CCDC170: variants seen among roughly 807,000 people sequenced by gnomAD.
CCDC170 encodes the protein coiled-coil domain-containing protein 170.
Under a neutral mutation model 72.6 loss-of-function variants are expected in CCDC170, and 69 were observed. The observed-to-expected ratio is 0.95, with a 90% CI of 0.78 to 1.16. The LOEUF (loss-of-function observed/expected upper bound fraction) is 1.16. Among genes scored for constraint, CCDC170 ranks in the 50% most tolerant of loss-of-function variants. The pLI is 0.00. For synonymous variants in CCDC170, 300 were observed against 303.9 expected (o/e 0.99, Z 0.13); for missense variants, 852 against 832.5 (o/e 1.02, Z -0.29).
At chr6:151,526,119 T>TCTTCCTTC (rs1235340385) in intron 1 of CCDC170, among the ~76,000 whole-genome samples, 1 of 138,854 alleles carries the variant, frequency 7.2e-6, no homozygotes, top group Non-Finnish European at 1.5e-5. Flanking sequence ...TTCCTTCCTT[T>TCTTCCTTC]CTTCCTTCCT....
intron 1 of CCDC170, among the ~76,000 whole-genome samples, chr6:151,519,168 C>T (rs1782280948): frequency 6.6e-6 from 1 of 152,062 alleles, no homozygotes; most frequent in African/African-American, 2.4e-5. Context: ...TATTTCAGTC[C>T]TTATCTCAAC....
chr6:151,531,368 C>G (rs1158822461), intron 1 of CCDC170, among the ~76,000 whole-genome samples: 1 of 152,052 alleles, frequency 6.6e-6, no homozygotes, highest in African/African-American at 2.4e-5. Context: ...TTTGTGAGGC[C>G]AAGGCAAGCA....
At chr6:151,542,052 G>T (rs1454550863) in intron 3 of CCDC170, among the ~76,000 whole-genome samples, 4 of 151,084 alleles carry the variant, frequency 2.6e-5, no homozygotes, top group Non-Finnish European at 5.9e-5. Context: ...GCTAATTTTT[G>T]TAGTTTTAGT....
chr6:151,555,025 C>T (rs1321252162), intron 5 of CCDC170, among the ~76,000 whole-genome samples: 1 of 151,526 alleles, frequency 6.6e-6, no homozygotes, highest in Non-Finnish European at 1.5e-5. Context: ...ACTACAGGCA[C>T]CTACTACCAC....
chr6:151,502,230 G>A (rs376173813), intron 1 of CCDC170, among the ~76,000 whole-genome samples: 1 of 152,102 alleles, frequency 6.6e-6, no homozygotes, highest in Admixed American at 6.6e-5. Flanking sequence ...CCACGATCAC[G>A]CCACTGCACT....
rs1487590587 is a variant in CCDC170 at position 151,585,762 on chromosome 6, G to A, written c.1093-127G>A. On this transcript the variant is annotated intron_variant, in intron 6 of 10. Transcript: ENST00000239374. ...CAGCTATCAATTACATATTTTAAAT[G>A]GGATTTTTACAAATAATCTGGAAGT... The A allele has an allele frequency of 1.3e-5, 10 of 754,710 alleles. No individual in the cohort carries two copies. The South Asian group carries it at 2.0e-4, about 15-fold the overall frequency. 46.8% of individuals were successfully genotyped at this position (754,710 alleles called of 1,614,324 possible).
intron 1 of CCDC170, among the ~76,000 whole-genome samples, chr6:151,529,571 C>T (rs1037192568): frequency 3.9e-5 from 6 of 152,080 alleles, no homozygotes; most frequent in African/African-American, 1.4e-4. Context: ...GCAGGAGAAT[C>T]GCTTGAACCC....
At position 151,620,801 on chromosome 6, in the gene CCDC170, G is replaced by A. The variant is rs1387502474; in HGVS notation, c.*2654G>A. ...ATTTTAAATAATATTTTAAAAACATGAAATTTTTTTTTCATTTTTGATTTG... is the reference window on the plus strand; with the variant it reads ...ATTTTAAATAATATTTTAAAAACATAAAATTTTTTTTTCATTTTTGATTTG... On this transcript the variant is annotated 3_prime_UTR_variant, in exon 11 of 11. Transcript: ENST00000239374. The A allele has an allele frequency of 5.2e-5, 7 of 135,672 alleles. No individual in the cohort carries two copies. Among genetic ancestry groups the A allele is most frequent in the Admixed American group, 4.8e-4 (7 of 14,526 alleles). The allele number at this position is 135,672 out of a possible 1,614,324, so 8.4% of individuals were successfully genotyped here.
intron 5 of CCDC170, among the ~76,000 whole-genome samples, chr6:151,568,105 G>GAAAAAAA (rs771627857): frequency 2.6e-5 from 1 of 38,266 alleles, no homozygotes; most frequent in African/African-American, 8.6e-5. Context: ...GTGAGACTCT[G>GAAAAAAA]AAAAAAAAAA....
At chr6:151,512,465 AGT>A (rs1782164427) in intron 1 of CCDC170, among the ~76,000 whole-genome samples, 1 of 152,202 alleles carries the variant, frequency 6.6e-6, no homozygotes, top group Non-Finnish European at 1.5e-5. Flanking sequence ...CGGACCCAGT[AGT>A]ATATCATTTT....
chr6:151,520,364 C>A (rs1014089703), intron 1 of CCDC170, among the ~76,000 whole-genome samples: 2 of 152,218 alleles, frequency 1.3e-5, no homozygotes, highest in Non-Finnish European at 1.5e-5. Flanking sequence ...AATAATGAAA[C>A]CGCCTTTGCG....
intron 1 of CCDC170, among the ~76,000 whole-genome samples, chr6:151,498,751 C>T (rs1370122230): frequency 8.5e-6 from 1 of 117,184 alleles, no homozygotes; most frequent in Non-Finnish European, 1.8e-5. Context: ...GACTGTATTT[C>T]AGTATTCTAG....
chr6:151,574,108 C>A (rs887485427), intron 6 of CCDC170, among the ~76,000 whole-genome samples: 4 of 152,200 alleles, frequency 2.6e-5, no homozygotes, highest in African/African-American at 9.6e-5. Flanking sequence ...AGCTACCTGG[C>A]AGGCTGAAGT....
Position 151,583,356 on chromosome 6 carries a change from A to T in CCDC170, c.1093-2533A>T, listed in dbSNP as rs148465317. Among the ~76,000 whole-genome samples, 760 of 152,202 alleles carry T rather than the reference A, an allele frequency of 5.0e-3. 6 individuals are homozygous for T. Among genetic ancestry groups the T allele is most frequent in the African/African-American group, 0.017 (725 of 41,520 alleles). ...TTCTATTCCCAGCTTGGCTAATTGG[A>T]GTAAGAGGCCCAATTTTTGGCCGAT... On this transcript the variant is annotated intron_variant, in intron 6 of 10. Transcript: ENST00000239374.
In CCDC170 at chr6:151,615,490, C is replaced by T; in HGVS notation, c.1758C>T (p.Ser586=). 1 of 1,613,980 alleles carries T rather than the reference C, an allele frequency of 6.2e-7. No individual in the cohort carries two copies. Among genetic ancestry groups the T allele is most frequent in the Non-Finnish European group, 8.5e-7 (1 of 1,179,950 alleles). Residue 586 remains serine, a synonymous_variant, in exon 10 of 11, where the codon TCC becomes TCT. Coordinates refer to ENST00000239374, the MANE Select transcript of CCDC170 (RefSeq NM_025059.4). ...AAGCCATTGAAGATCTAAACAAATC[C>T]AGAGACCAACTGGAGAAGATGAAGG... ...QTKAIEDLNK[S]RDQLEKMKEK... is the part of the protein sequence containing the mutation.
rs3734806 is a variant in CCDC170 at position 151,620,326 on chromosome 6, G to A, written c.*2179G>A. ...TGACCAGGCTTTGCTTGTGGAGCGGGCATCCCTGCCTAGCTATCTCCTTCA... is the reference window on the plus strand; with the variant it reads ...TGACCAGGCTTTGCTTGTGGAGCGGACATCCCTGCCTAGCTATCTCCTTCA... On this transcript the variant is annotated 3_prime_UTR_variant, in exon 11 of 11. Coordinates refer to ENST00000239374, the MANE Select transcript of CCDC170 (RefSeq NM_025059.4). 54,001 of 152,074 alleles carry A rather than the reference G, an allele frequency of 0.36. 10,334 individuals are homozygous for A. The highest frequency in any genetic ancestry group is 0.49 in the African/African-American group (20,258 of 41,458). The allele number at this position is 152,074 out of a possible 1,614,324, so 9.4% of individuals were successfully genotyped here. A position where few individuals can be genotyped will look rare whatever the true frequency, so the allele number is the denominator to read the frequency against.
chr6:151,608,308 T>C (rs765736463), intron 9 of CCDC170, among the ~76,000 whole-genome samples: 3 of 152,224 alleles, frequency 2.0e-5, no homozygotes, highest in Non-Finnish European at 2.9e-5. Context: ...AAGCATTTCA[T>C]AGAGGTCCTT....
At chr6:151,565,671 C>G (rs1776123343) in intron 5 of CCDC170, among the ~76,000 whole-genome samples, 1 of 152,156 alleles carries the variant, frequency 6.6e-6, no homozygotes, top group Non-Finnish European at 1.5e-5. Flanking sequence ...ATCTTGAAGC[C>G]CTGCCCCTTG....
At chr6:151,513,792 C>G (rs111457693) in intron 1 of CCDC170, among the ~76,000 whole-genome samples, 1 of 151,026 alleles carries the variant, frequency 6.6e-6, no homozygotes, top group Admixed American at 6.6e-5. Flanking sequence ...TAGTGGCATT[C>G]GCCTGTAATC....
Sources: gnomAD v4.1 joint callset for allele counts (sites outside exome capture counted in the v4.1 genomes callset) on GRCh38, gnomAD v4.1.1 for gene constraint, MANE v1.5 for transcripts, NCBI Gene and HGNC (gene_info 2026-07-23, HGNC 2026-07-21) for gene names.